The following CDCA7L variants were observed in gnomAD, a reference collection of about 807,000 sequenced individuals.
The protein encoded by CDCA7L is cell division cycle associated 7 like.
In CDCA7L, 44 loss-of-function variants were observed where a neutral mutation model predicts 57.4. The ratio of observed to expected loss-of-function variants is 0.77; its 90% confidence interval spans 0.60 to 0.98. The LOEUF is 0.98. Among genes scored for constraint, CDCA7L ranks in the 50% least tolerant of loss-of-function variants. CDCA7L has a pLI of 0.00. For synonymous variants in CDCA7L, 236 were observed against 202.8 expected, an observed-to-expected ratio of 1.16 and a Z score of -1.39; for missense variants, 644 against 580.6, an observed-to-expected ratio of 1.11 and a Z score of -1.12.
At chr7:21,943,876 G>A (rs1363414665) in intron 1 of CDCA7L, among the ~76,000 whole-genome samples, 1 of 152,142 alleles carries the variant, frequency 6.6e-6, no homozygotes, top group Non-Finnish European at 1.5e-5. Context: ...TCATTGTGTG[G>A]CAGTAAACGC....
chr7:21,921,109 G>A (rs112857796), intron 1 of CDCA7L, among the ~76,000 whole-genome samples: 184 of 152,248 alleles, frequency 1.2e-3, no homozygotes, highest in African/African-American at 4.3e-3. Context: ...GTGCTATTGT[G>A]TTCAGCCCCA....
Position 21,903,832 on chromosome 7 carries a change from T to C in CDCA7L, c.1197+278A>G, listed in dbSNP as rs112003400. ...GGAAATCACTTTGCTGAAGGACAGG[T>C]ACAGGGATTACTTGCATAAAACTAG... On this transcript the variant is annotated intron_variant, in intron 8 of 9. Coordinates refer to ENST00000406877, the MANE Select transcript of CDCA7L (RefSeq NM_018719.5). 3.2e-3 allele frequency: 1,019 copies of C among 313,606 alleles called. 13 individuals are homozygous for C. The highest frequency in any genetic ancestry group is 0.02 in the African/African-American group (953 of 46,828). 19.4% of individuals were successfully genotyped at this position (313,606 alleles called of 1,614,324 possible).
chr7:21,901,728 T>TGAAGGA lies in CDCA7L; in HGVS notation c.*588_*593dup, dbSNP rs1784874075. ...AAAGCAGCAGGCCCCAGGTGAGTCC[T>TGAAGGA]GAAGGAAGAGGCTAGCACTCTGTAA... On this transcript the variant is annotated 3_prime_UTR_variant, in exon 10 of 10. Coordinates refer to ENST00000406877, the MANE Select transcript of CDCA7L (RefSeq NM_018719.5). 1 of 153,980 alleles carries TGAAGGA rather than the reference T, an allele frequency of 6.5e-6. No homozygotes were observed. The highest frequency in any genetic ancestry group is 2.1e-4 in the South Asian group (1 of 4,848). 9.5% of individuals were successfully genotyped at this position (153,980 alleles called of 1,614,324 possible). A position where few individuals can be genotyped will look rare whatever the true frequency, so the allele number is the denominator to read the frequency against.
At chr7:21,926,702 C>CAAA (rs11427172) in intron 1 of CDCA7L, among the ~76,000 whole-genome samples, 2 of 149,158 alleles carry the variant, frequency 1.3e-5, no homozygotes, top group African/African-American at 2.5e-5. Context: ...GACCCCATCT[C>CAAA]AAAAAAAAAA....
chr7:21,908,225 T>C lies in CDCA7L; in HGVS notation c.586A>G (p.Thr196Ala), dbSNP rs1046584240. ...CGAGAGTCATCCTCAGACTCAGAGG[T>C]AGAATCTTCCCTTTGTATCACCTGT... ...CRQVIQREDS[T>A]SESEDDSRDE... Residue 196 changes from threonine (T) to alanine (A), a missense_variant, in exon 4 of 10, where the codon ACC becomes GCC. Physicochemically the swap from Thr to Ala is moderately conservative, Grantham distance 58. Coordinates refer to ENST00000406877, the MANE Select transcript of CDCA7L (RefSeq NM_018719.5). 3 of 1,613,084 alleles carry C rather than the reference T, an allele frequency of 1.9e-6. No homozygotes were observed. Among genetic ancestry groups the C allele is most frequent in the Admixed American group, 3.3e-5 (2 of 59,856 alleles).
At chr7:21,915,940 T>G (rs538132032) in intron 2 of CDCA7L, among the ~76,000 whole-genome samples, 1 of 152,032 alleles carries the variant, frequency 6.6e-6, no homozygotes, top group African/African-American at 2.4e-5. Context: ...AGATGCCAAA[T>G]GAGATGAGGA....
rs1407981551 is a variant in CDCA7L at position 21,916,800 on chromosome 7, G to A, written c.119C>T (p.Ser40Leu). ...GTCAAAACTATCGCAGCTCTCCTCT[G>A]ACGAGAGGGTTTCCATGGGAACATC... ...RDDVPMETLS[S>L]EESCDSFDSL... is the part of the protein sequence containing the mutation. Residue 40 changes from serine to leucine, a missense_variant, in exon 2 of 10, where the codon TCA becomes TTA. Coordinates refer to ENST00000406877, the MANE Select transcript of CDCA7L (RefSeq NM_018719.5). 6.2e-7 allele frequency: 1 copy of A among 1,613,910 alleles called. No individual in the cohort carries two copies. Among genetic ancestry groups the A allele is most frequent in the East Asian group, 2.2e-5 (1 of 44,862 alleles).
At position 21,927,168 on chromosome 7, in the gene CDCA7L, A is replaced by G. The variant is rs539756716; in HGVS notation, c.25-10274T>C. The stretch of plus-strand genomic sequence containing the variant: ...CCATTCAAAGAAGCAAAATTAATTG[A>G]CAGAAACTTTCCCAGAGGAAAACAC... On this transcript the variant is annotated intron_variant, in intron 1 of 9. Transcript: ENST00000406877. Among the ~76,000 whole-genome samples, 3 of 152,352 alleles carry G rather than the reference A, an allele frequency of 2.0e-5. No individual in the cohort carries two copies. In the South Asian group the frequency reaches 6.2e-4, roughly 32 times the overall value.
At chr7:21,914,894 A>G (rs1407529854) in intron 2 of CDCA7L, among the ~76,000 whole-genome samples, 1 of 152,170 alleles carries the variant, frequency 6.6e-6, no homozygotes, top group Non-Finnish European at 1.5e-5. Flanking sequence ...TAGCAGCAGA[A>G]GCAGCTGTTC....
In CDCA7L at chr7:21,908,141, T is replaced by C; in HGVS notation, c.670A>G (p.Asn224Asp). 1.3e-6 allele frequency: 2 copies of C among 1,550,834 alleles called. No homozygotes were observed. Among genetic ancestry groups the C allele is most frequent in the Non-Finnish European group, 1.7e-6 (2 of 1,160,002 alleles). Residue 224 changes from asparagine to aspartate, a missense_variant, in exon 4 of 10, where the codon AAC becomes GAC. Transcript: ENST00000406877. ...LLKRTMNIKENKAMLAQLLAE... is the reference protein window; with the variant it reads ...LLKRTMNIKEDKAMLAQLLAE... ...CCGTGAAGCCTCACCATGGCTTTGT[T>C]CTCCTTGATGTTCATGGTCCTTTTC...
At chr7:21,904,545 AG>A (rs1332395894) in intron 7 of CDCA7L, among the ~76,000 whole-genome samples, 1 of 152,234 alleles carries the variant, frequency 6.6e-6, no homozygotes, top group African/African-American at 2.4e-5. Context: ...GATCAGCAGC[AG>A]CATTAGATTC....
chr7:21,902,725 C>A, intron 9 of CDCA7L: 1 of 501,110 alleles, frequency 2.0e-6, no homozygotes, highest in East Asian at 3.3e-5. Flanking sequence ...TTCTGTCATA[C>A]ACCTCAAGGA....
intron 1 of CDCA7L, among the ~76,000 whole-genome samples, chr7:21,944,035 G>C (rs116994977): frequency 7.0e-4 from 106 of 152,290 alleles, no homozygotes; most frequent in South Asian, 5.6e-3. Context: ...AGGAGCTCCG[G>C]AGTGATAAAT....
chr7:21,915,635 TAAAAAAA>T (rs35601553), intron 2 of CDCA7L, among the ~76,000 whole-genome samples: 1 of 88,332 alleles, frequency 1.1e-5, no homozygotes, highest in Admixed American at 1.2e-4. Context: ...CCATCACTAC[TAAAAAAA>T]AAAAAAAAAA....
intron 6 of CDCA7L, among the ~76,000 whole-genome samples, chr7:21,906,075 C>T (rs931848787): frequency 6.6e-6 from 1 of 151,680 alleles, no homozygotes; most frequent in African/African-American, 2.4e-5. Flanking sequence ...GGATAAAAGA[C>T]TCTCTCTGTG....
chr7:21,912,195 G>A (rs567572491), intron 2 of CDCA7L, among the ~76,000 whole-genome samples: 15 of 152,178 alleles, frequency 9.9e-5, no homozygotes, highest in South Asian at 4.1e-4. Flanking sequence ...CTGGGAGGTC[G>A]AGGCTGCAGT....
chr7:21,941,295 C>T (rs1786332520), intron 1 of CDCA7L, among the ~76,000 whole-genome samples: 1 of 152,078 alleles, frequency 6.6e-6, no homozygotes. Flanking sequence ...CTGTAAAGAT[C>T]TCTACGCTAC....
At chr7:21,906,164 G>GCT in intron 6 of CDCA7L, 125 bp downstream of exon 6, 3 of 850,460 alleles carry the variant, frequency 3.5e-6, no homozygotes, top group Non-Finnish European at 5.5e-6. Context: ...AGAGAGAAAT[G>GCT]CAAGTTCTCA....
intron 3 of CDCA7L, among the ~76,000 whole-genome samples, chr7:21,909,826 C>T (rs150278866): frequency 6.6e-6 from 1 of 152,118 alleles, no homozygotes; most frequent in Non-Finnish European, 1.5e-5. Context: ...ACACAGCAGC[C>T]CAGAATCAGA....
Sources: gnomAD v4.1 joint callset for allele counts (sites outside exome capture counted in the v4.1 genomes callset) on GRCh38, gnomAD v4.1.1 for gene constraint, MANE v1.5 for transcripts, NCBI Gene and HGNC (gene_info 2026-07-23, HGNC 2026-07-21) for gene names.